Variants in RBFOX1 observed in about 807,000 individuals in gnomAD.
RBFOX1 encodes RNA binding protein fox-1 homolog 1.
In RBFOX1, 8 loss-of-function variants were observed where a neutral mutation model predicts 57.7. The ratio of observed to expected loss-of-function variants is 0.14; its 90% CI spans 0.08 to 0.25. The LOEUF (loss-of-function observed/expected upper bound fraction) is 0.25. RBFOX1 is among the 10% of genes least tolerant of loss of function. RBFOX1 has a pLI of 1.00. For synonymous variants in RBFOX1, 326 were observed against 222.4 expected, an observed-to-expected ratio of 1.47 and a Z score of -4.15; for missense variants, 611 against 548.5, an observed-to-expected ratio of 1.11 and a Z score of -1.14.
chr16:6,016,229 G>T (rs2094992746), upstream of RBFOX1, among the ~76,000 whole-genome samples: 1 of 152,196 alleles, frequency 6.6e-6, no homozygotes, highest in Admixed American at 6.5e-5. Flanking sequence ...AGGTGTTAGA[G>T]GAGTTCGCAA....
chr16:6,495,251 T>G (rs1051833079), intron 2 of RBFOX1, among the ~76,000 whole-genome samples: 4 of 152,170 alleles, frequency 2.6e-5, no homozygotes, highest in Non-Finnish European at 5.9e-5. Flanking sequence ...CCTGAATTGC[T>G]GGGATTATAG....
chr16:7,174,595 A>G (rs1011966020), intron 4 of RBFOX1, among the ~76,000 whole-genome samples: 1 of 152,182 alleles, frequency 6.6e-6, no homozygotes, highest in African/African-American at 2.4e-5. Context: ...AACCTGGTGT[A>G]GGTGGTGAAA....
At chr16:5,370,682 A>G (rs553176859) in intron 1 of RBFOX1, among the ~76,000 whole-genome samples, 25 of 151,352 alleles carry the variant, frequency 1.7e-4, no homozygotes, top group African/African-American at 5.8e-4. Context: ...TTTTGTAGAG[A>G]CAGAGTCTCT....
intron 2 of RBFOX1, among the ~76,000 whole-genome samples, chr16:6,597,326 G>A (rs1405077872): frequency 6.6e-6 from 1 of 151,988 alleles, no homozygotes; most frequent in African/African-American, 2.4e-5. Context: ...TCCTTTCCCT[G>A]TCTCCATTAT....
intron 2 of RBFOX1, among the ~76,000 whole-genome samples, chr16:6,613,003 A>ATGTGTGTGTGTG (rs57236292): frequency 4.9e-5 from 7 of 143,160 alleles, no homozygotes; most frequent in African/African-American, 1.8e-4. Flanking sequence ...CAGTCCCAGC[A>ATGTGTGTGTGTG]TGTGTGTGTG....
intron 4 of RBFOX1, among the ~76,000 whole-genome samples, chr16:7,323,638 C>G (rs775827645): frequency 6.6e-6 from 1 of 152,172 alleles, no homozygotes; most frequent in African/African-American, 2.4e-5. Flanking sequence ...TCTCAGTGTT[C>G]TTGTTACTAA....
At chr16:6,360,242 AT>A (rs5815303) in intron 2 of RBFOX1, among the ~76,000 whole-genome samples, 20,476 of 149,288 alleles carry the variant, frequency 0.14, 1,458 homozygotes, top group South Asian at 0.19. Context: ...TTCTTTATAG[AT>A]TTTTTTTTTT....
intron 2 of RBFOX1, among the ~76,000 whole-genome samples, chr16:5,555,195 A>T (rs1011779564): frequency 1.3e-5 from 2 of 152,214 alleles, no homozygotes; most frequent in Non-Finnish European, 2.9e-5. Flanking sequence ...AGTGGATAGA[A>T]TGGAACTATT....
chr16:6,971,628 G>C (rs1321528304), intron 3 of RBFOX1, among the ~76,000 whole-genome samples: 1 of 152,070 alleles, frequency 6.6e-6, no homozygotes, highest in Non-Finnish European at 1.5e-5. Flanking sequence ...TGGGGGCGGA[G>C]AATGGAGTCA....
chr16:7,140,182 C>G (rs936886220), intron 4 of RBFOX1, among the ~76,000 whole-genome samples: 5 of 145,016 alleles, frequency 3.4e-5, no homozygotes, highest in African/African-American at 1.1e-4. Flanking sequence ...CTCTCTCTCT[C>G]TCTCTCTCTC....
chr16:7,518,013 T>A, intron 4 of RBFOX1, 134 bp from the exon 5 acceptor site: 1 of 1,108,966 alleles, frequency 9.0e-7, no homozygotes. Context: ...GATTGGTCCA[T>A]CTCAGGCTGG....
chr16:5,964,433 C>T (rs938081979), intron 4 of RBFOX1, among the ~76,000 whole-genome samples: 15 of 152,238 alleles, frequency 9.9e-5, no homozygotes, highest in African/African-American at 3.6e-4. Context: ...ACTGCACTTC[C>T]ATGTTTATTG....
intron 4 of RBFOX1, among the ~76,000 whole-genome samples, chr16:7,314,619 T>C (rs775826410): frequency 1.1e-4 from 16 of 152,176 alleles, no homozygotes; most frequent in Non-Finnish European, 2.1e-4. Context: ...TTGTTTCCCA[T>C]TTGGTGTTTA....
chr16:6,702,336 C>G (rs1238368364), intron 3 of RBFOX1, among the ~76,000 whole-genome samples: 1 of 152,090 alleles, frequency 6.6e-6, no homozygotes, highest in Non-Finnish European at 1.5e-5. Flanking sequence ...GGCAGATTAC[C>G]TGAGGTAAGG....
intron 13 of RBFOX1, 30 bp downstream of exon 13, chr16:7,664,998 C>T (rs370954959): frequency 1.2e-5 from 20 of 1,613,722 alleles, no homozygotes; most frequent in Non-Finnish European, 1.4e-5. Flanking sequence ...CATGCCATCC[C>T]CGTTTCCTCC....
intron 2 of RBFOX1, among the ~76,000 whole-genome samples, chr16:5,583,128 A>T (rs2046727428): frequency 6.6e-6 from 1 of 152,238 alleles, no homozygotes; most frequent in African/African-American, 2.4e-5. Flanking sequence ...GTTCTTGCAG[A>T]GCTCAAATAC....
rs778450510 is a variant in RBFOX1, at chr16:6,738,724, C to A, written c.-16+84074C>A. Among the ~76,000 whole-genome samples, 4 of 152,088 alleles carry A rather than the reference C, an allele frequency of 2.6e-5. No homozygotes were observed. In the South Asian group the frequency reaches 8.3e-4, roughly 32 times the overall value. On this transcript the variant is annotated intron_variant, in intron 3 of 15. Transcript: ENST00000550418. ...CCCATAGAGCATATACCTTGAGAGA[C>A]CATGTCCTAGGCCATAAAATAGACA...
At chr16:7,166,658 G>C (rs2079564331) in intron 4 of RBFOX1, among the ~76,000 whole-genome samples, 1 of 152,082 alleles carries the variant, frequency 6.6e-6, no homozygotes, top group Non-Finnish European at 1.5e-5. Context: ...GTGAGGAAGG[G>C]GTGAGTGTAA....
chr16:5,570,210 A>G (rs2046232920), intron 2 of RBFOX1, among the ~76,000 whole-genome samples: 1 of 152,150 alleles, frequency 6.6e-6, no homozygotes, highest in African/African-American at 2.4e-5. Flanking sequence ...CTCAAAGTAC[A>G]TACAGCAGGG....
Sources: gnomAD v4.1 joint callset for allele counts (sites outside exome capture counted in the v4.1 genomes callset) on GRCh38, gnomAD v4.1.1 for gene constraint, MANE v1.5 for transcripts, NCBI Gene and HGNC (gene_info 2026-07-23, HGNC 2026-07-21) for gene names.